Variants in MAOB observed in about 807,000 individuals in gnomAD.
The protein encoded by MAOB is amine oxidase [flavin-containing] B.
Under a neutral mutation model 41.9 loss-of-function variants are expected in MAOB, and 15 were observed. The ratio of observed to expected loss-of-function variants is 0.36; its 90% CI spans 0.24 to 0.55. The LOEUF (loss-of-function observed/expected upper bound fraction) is 0.55. Ranked by LOEUF, MAOB falls within the 20% of genes least tolerant of loss-of-function variation. The probability of loss-of-function intolerance (pLI) is 0.86; values close to 1 mark genes in which losing one functional copy is unlikely to be tolerated. For missense variants in MAOB, 345 were observed against 398.7 expected (o/e 0.87, Z 1.15); for synonymous variants, 167 against 144.2 (o/e 1.16, Z -1.13).
intron 1 of MAOB, among the ~76,000 whole-genome samples, chrX:43,857,145 AGAGAGAGAGAGAGAGAGAGAAGAAG>A (rs1192721947): frequency 3.3e-4 from 21 of 62,778 alleles, no homozygotes; most frequent in Non-Finnish European, 4.9e-4. Flanking sequence ...AGAGAGAGAG[AGAGAGAGAGAGAGAGAGAGAAGAAG>A]AGAGAGAGAG....
At chrX:43,789,789 A>G (rs1368577913) in intron 8 of MAOB, among the ~76,000 whole-genome samples, 2 of 112,263 alleles carry the variant, frequency 1.8e-5, no homozygotes, top group East Asian at 5.6e-4. Flanking sequence ...GGAGATGACC[A>G]TGTGAGGAAA....
At chrX:43,805,553 T>C (rs1256592434) in intron 3 of MAOB, among the ~76,000 whole-genome samples, 1 of 111,950 alleles carries the variant, frequency 8.9e-6, no homozygotes, top group Non-Finnish European at 1.9e-5. Flanking sequence ...TCATACAAGA[T>C]GTACACCTTT....
chrX:43,860,795 C>T (rs189168724), intron 1 of MAOB, among the ~76,000 whole-genome samples: 2 of 111,251 alleles, frequency 1.8e-5, no homozygotes, highest in African/African-American at 6.6e-5. Flanking sequence ...CCTACCACCC[C>T]TTGCTCATTC....
intron 3 of MAOB, among the ~76,000 whole-genome samples, chrX:43,813,519 C>G (rs1300791581): frequency 8.0e-5 from 9 of 112,293 alleles, no homozygotes; most frequent in Non-Finnish European, 1.3e-4. Context: ...GCTCTATGAG[C>G]CACTTCTCAT....
chrX:43,805,205 T>C (rs892857903), intron 3 of MAOB, among the ~76,000 whole-genome samples: 2 of 111,736 alleles, frequency 1.8e-5, no homozygotes, highest in Non-Finnish European at 3.8e-5. Context: ...TTTTCAAGAC[T>C]ACAATACATT....
chrX:43,874,087 C>T (rs1443548616), intron 1 of MAOB, among the ~76,000 whole-genome samples: 2 of 112,034 alleles, frequency 1.8e-5, no homozygotes. Context: ...AAGAAAATCT[C>T]TGTTTTTAGT....
chrX:43,797,923 T>C (rs1156249314), intron 5 of MAOB, among the ~76,000 whole-genome samples: 1 of 111,916 alleles, frequency 8.9e-6, no homozygotes, highest in Non-Finnish European at 1.9e-5. Context: ...AGAATAAGAT[T>C]CAGATCTTAC....
intron 3 of MAOB, among the ~76,000 whole-genome samples, chrX:43,810,225 A>G (rs1193226451): frequency 1.2e-5 from 1 of 83,987 alleles, no homozygotes; most frequent in Non-Finnish European, 2.3e-5. Flanking sequence ...CCTGGGCGAC[A>G]GAGCGAGACT....
chrX:43,786,014 C>T (rs936870534), intron 8 of MAOB, among the ~76,000 whole-genome samples: 2 of 111,068 alleles, frequency 1.8e-5, no homozygotes, highest in Admixed American at 9.6e-5. Context: ...AAAATGATGC[C>T]GATAAACCTG....
Position 43,843,706 on chromosome X carries a change from G to A in MAOB, c.105C>T (p.Ala35=). The A allele has an allele frequency of 8.3e-7, 1 of 1,210,713 alleles. No individual in the cohort carries two copies. Among genetic ancestry groups the A allele is most frequent in the Non-Finnish European group, 1.1e-6 (1 of 895,128 alleles). Residue 35 remains alanine, a synonymous_variant, in exon 2 of 15, where the codon GCC becomes GCT. Transcript: ENST00000378069. ...DSGLNVVVLE[A]RDRVGGRTYT... ...AAGTCCTGCCTCCCACACGGTCCCG[G>A]GCTTCCAGAACAACCACATTCAGTC...
chrX:43,880,393 A>G (rs2035465920), intron 1 of MAOB, among the ~76,000 whole-genome samples: 1 of 112,249 alleles, frequency 8.9e-6, no homozygotes, highest in Admixed American at 9.4e-5. Context: ...GTCTGAATAA[A>G]TGGGTAAAAC....
intron 7 of MAOB, 27 bp from the exon 8 acceptor site, chrX:43,793,605 AT>A: frequency 1.8e-6 from 2 of 1,139,792 alleles, no homozygotes; most frequent in Non-Finnish European, 2.4e-6. Context: ...ATGGTTAAAC[AT>A]TGTTGCCGTG....
At chrX:43,852,644 C>T (rs2035259565) in intron 1 of MAOB, among the ~76,000 whole-genome samples, 1 of 112,124 alleles carries the variant, frequency 8.9e-6, no homozygotes, top group African/African-American at 3.2e-5. Flanking sequence ...TGGACTTGTT[C>T]AGAGCCCCAA....
intron 1 of MAOB, among the ~76,000 whole-genome samples, chrX:43,877,751 G>T (rs1458785539): frequency 8.9e-6 from 1 of 111,787 alleles, no homozygotes; most frequent in Non-Finnish European, 1.9e-5. Context: ...GAACCCAGTG[G>T]GTCTCAGAGC....
At chrX:43,840,420 A>G (rs1157297393) in intron 2 of MAOB, among the ~76,000 whole-genome samples, 3 of 111,807 alleles carry the variant, frequency 2.7e-5, no homozygotes, top group African/African-American at 9.8e-5. Context: ...CATAGTAGGT[A>G]CTCAGTAGAT....
At chrX:43,817,287 T>C (rs1296496131) in intron 3 of MAOB, among the ~76,000 whole-genome samples, 6 of 110,542 alleles carry the variant, frequency 5.4e-5, no homozygotes, top group Admixed American at 9.7e-5. Context: ...TAATAATCCA[T>C]TCATCTGTAA....
chrX:43,833,130 C>T (rs143823302), intron 3 of MAOB, among the ~76,000 whole-genome samples: 1 of 111,815 alleles, frequency 8.9e-6, no homozygotes, highest in Non-Finnish European at 1.9e-5. Flanking sequence ...GACCCCATTG[C>T]ATCTTGTCAT....
intron 3 of MAOB, 47 bp from the exon 4 acceptor site, chrX:43,803,451 A>G: frequency 8.8e-7 from 1 of 1,140,774 alleles, no homozygotes; most frequent in African/African-American, 1.9e-5. Flanking sequence ...ACTACAATGT[A>G]AAAGTAGGTA....
chrX:43,828,371 CT>C (rs989210004), intron 3 of MAOB, among the ~76,000 whole-genome samples: 1 of 111,055 alleles, frequency 9.0e-6, no homozygotes, highest in African/African-American at 3.3e-5. Flanking sequence ...AGCTTTAATA[CT>C]TTTTTTTAAA....
Sources: gnomAD v4.1 joint callset for allele counts (sites outside exome capture counted in the v4.1 genomes callset) on GRCh38, gnomAD v4.1.1 for gene constraint, MANE v1.5 for transcripts, NCBI Gene and HGNC (gene_info 2026-07-23, HGNC 2026-07-21) for gene names.